The following SCARA3 variants were observed in gnomAD, a reference collection of about 807,000 sequenced individuals.
The protein encoded by SCARA3 is scavenger receptor class A member 3.
SCARA3 carries 39 observed loss-of-function variants against 47.0 expected under a neutral mutation model. The observed-to-expected ratio is 0.83, with a 90% CI of 0.64 to 1.08. SCARA3 has a LOEUF of 1.08. Ranked by LOEUF, SCARA3 falls within the 50% of genes least tolerant of loss-of-function variation. SCARA3 has a pLI of 0.00. For missense variants in SCARA3, 724 were observed against 792.3 expected, an observed-to-expected ratio of 0.91 and a Z score of 1.04; for synonymous variants, 356 against 334.1, an observed-to-expected ratio of 1.07 and a Z score of -0.71.
the SCARA3 span, among the ~76,000 whole-genome samples, chr8:27,719,310 G>A: frequency 1.3e-5 from 2 of 152,126 alleles, no homozygotes; most frequent in Non-Finnish European, 2.9e-5. Flanking sequence ...GTTCTCACAT[G>A]TAAGTAGGAG....
At chr8:27,660,306 G>A (rs1327531360) in intron 5 of SCARA3, among the ~76,000 whole-genome samples, 2 of 152,004 alleles carry the variant, frequency 1.3e-5, no homozygotes, top group Non-Finnish European at 2.9e-5. Context: ...TATATATATA[G>A]AGAGATAGAC....
Position 27,671,686 on chromosome 8 carries a change from A to G in SCARA3, c.*335A>G. On this transcript the variant is annotated 3_prime_UTR_variant, in exon 6 of 6. Transcript: ENST00000301904. ...CACACACATGCACACATACACGTGC[A>G]CACATACACAGGCACACATGCATGC... 9.2e-7 allele frequency: 1 copy of G among 1,082,884 alleles called. No individual in the cohort carries two copies. 67.1% of individuals were successfully genotyped at this position (1,082,884 alleles called of 1,614,324 possible).
rs1164495076 is a variant in SCARA3 at position 27,658,630 on chromosome 8, T to A, written c.460T>A (p.Leu154Ile). The change falls in exon 5 of 6, where the codon TTA becomes ATA. Residue 154 changes from leucine to isoleucine, a missense_variant. Coordinates refer to ENST00000301904, the MANE Select transcript of SCARA3 (RefSeq NM_016240.3). The stretch of plus-strand genomic sequence containing the variant: ...CCAGGAGGTGCAGCTGGACCAGACC[T>A]TACAGGCCCAGGAGGTGCTCTCCAC... ...LAQEVQLDQT[L>I]QAQEVLSTTS... 6.2e-7 allele frequency: 1 copy of A among 1,613,904 alleles called. No individual in the cohort carries two copies. The highest frequency in any genetic ancestry group is 8.5e-7 in the Non-Finnish European group (1 of 1,179,990).
chr8:27,673,816 G>C (rs1802219505), downstream of SCARA3, among the ~76,000 whole-genome samples: 1 of 152,194 alleles, frequency 6.6e-6, no homozygotes, highest in African/African-American at 2.4e-5. Context: ...CTCTGCAGGT[G>C]AGTAGCCAGC....
At chr8:27,647,071 T>C (rs1202121002) in intron 1 of SCARA3, among the ~76,000 whole-genome samples, 2 of 146,554 alleles carry the variant, frequency 1.4e-5, no homozygotes, top group African/African-American at 5.0e-5. Context: ...GCTTTGCCAC[T>C]GCCCAGCTCT....
At chr8:27,678,985 C>A (rs1459648196), downstream of SCARA3, among the ~76,000 whole-genome samples, 1 of 152,072 alleles carries the variant, frequency 6.6e-6, no homozygotes, top group African/African-American at 2.4e-5. Flanking sequence ...CTCAGGAGTT[C>A]GAGACCACCT....
chr8:27,725,373 T>C, the SCARA3 span, among the ~76,000 whole-genome samples: 1 of 149,152 alleles, frequency 6.7e-6, no homozygotes, highest in Non-Finnish European at 1.5e-5. Context: ...TAACATATAA[T>C]ATTTATATTA....
the SCARA3 span, among the ~76,000 whole-genome samples, chr8:27,710,557 C>T: frequency 3.3e-5 from 5 of 152,272 alleles, no homozygotes; most frequent in Non-Finnish European, 7.4e-5. Flanking sequence ...CATGGCCGCA[C>T]GTCTTTCAAC....
rs1802132014 is a variant in SCARA3 at position 27,670,885 on chromosome 8, T to C, written c.1370-15T>C. The C allele has an allele frequency of 2.0e-6, 3 of 1,514,988 alleles. No homozygotes were observed. The highest frequency in any genetic ancestry group is 2.6e-6 in the Non-Finnish European group (3 of 1,133,820). The allele number at this position is 1,514,988 out of a possible 1,614,324, so 93.8% of individuals were successfully genotyped here. ...CCTGACAGACTGACCTCTCCCATCTTCTCTCCAACCTCAGGTGCCCCCGGC... is the reference window on the plus strand; with the variant it reads ...CCTGACAGACTGACCTCTCCCATCTCCTCTCCAACCTCAGGTGCCCCCGGC... On this transcript the variant is annotated splice_polypyrimidine_tract_variant and intron_variant, in intron 5 of 5. Coordinates refer to ENST00000301904, the MANE Select transcript of SCARA3 (RefSeq NM_016240.3).
At chr8:27,733,462 C>A in the SCARA3 span, 1 of 152,274 alleles carries the variant, frequency 6.6e-6, no homozygotes, top group African/African-American at 2.4e-5. Context: ...ACGTGCCCGG[C>A]AGGAAGGAGC....
chr8:27,707,060 A>C, the SCARA3 span, among the ~76,000 whole-genome samples: 1 of 152,192 alleles, frequency 6.6e-6, no homozygotes, highest in African/African-American at 2.4e-5. Context: ...GGCTCCAAGC[A>C]CCAAATAGTG....
At chr8:27,670,869 C>G (rs2128923904) in intron 5 of SCARA3, 31 bp from the exon 6 acceptor site, 2 of 1,505,044 alleles carry the variant, frequency 1.3e-6, no homozygotes, top group Non-Finnish European at 1.8e-6. Flanking sequence ...CCCTGACAGA[C>G]TGACCTCTCC....
intron 5 of SCARA3, among the ~76,000 whole-genome samples, chr8:27,669,266 G>A (rs1297652199): frequency 6.6e-6 from 1 of 152,220 alleles, no homozygotes; most frequent in African/African-American, 2.4e-5. Flanking sequence ...ATGAGTTTTG[G>A]AACAGGGTTG....
chr8:27,693,534 A>G, the SCARA3 span, among the ~76,000 whole-genome samples: 2 of 152,182 alleles, frequency 1.3e-5, no homozygotes, highest in African/African-American at 4.8e-5. Flanking sequence ...TTTGTAAAAA[A>G]TATATATAAA....
the SCARA3 span, among the ~76,000 whole-genome samples, chr8:27,730,061 C>T: frequency 2.0e-5 from 3 of 152,134 alleles, no homozygotes; most frequent in East Asian, 5.8e-4. Context: ...TGGGGCCAGT[C>T]CTGTTCCCAC....
At chr8:27,639,137 T>TA (rs779590289) in intron 1 of SCARA3, among the ~76,000 whole-genome samples, 1 of 152,142 alleles carries the variant, frequency 6.6e-6, no homozygotes, top group Admixed American at 6.5e-5. Flanking sequence ...GAACCCAAGC[T>TA]AAAAAATGGG....
chr8:27,720,008 C>T, the SCARA3 span, among the ~76,000 whole-genome samples: 1 of 152,136 alleles, frequency 6.6e-6, no homozygotes, highest in East Asian at 1.9e-4. Flanking sequence ...TCAGGGAGAA[C>T]TTCCTGAAGA....
chr8:27,659,324 G>T lies in SCARA3; in HGVS notation c.1154G>T (p.Cys385Phe). Residue 385 changes from cysteine (C) to phenylalanine (F), a missense_variant, in exon 5 of 6, where the codon TGC becomes TTC. Cys to Phe is a radical substitution (Grantham distance 205). Transcript: ENST00000301904. ...TACCTGGATGACGTGCGGCTCTCCTGCACGCTGGGCTTCCACACCCATGCC... is the reference window on the plus strand; with the variant it reads ...TACCTGGATGACGTGCGGCTCTCCTTCACGCTGGGCTTCCACACCCATGCC... ...LKYLDDVRLSCTLGFHTHAEE... is the reference protein window; with the variant it reads ...LKYLDDVRLSFTLGFHTHAEE... 6.2e-7 allele frequency: 1 copy of T among 1,614,030 alleles called. No homozygotes were observed. Among genetic ancestry groups the T allele is most frequent in the Non-Finnish European group, 8.5e-7 (1 of 1,180,020 alleles).
chr8:27,688,980 G>C, the SCARA3 span, among the ~76,000 whole-genome samples: 1 of 152,128 alleles, frequency 6.6e-6, no homozygotes, highest in Non-Finnish European at 1.5e-5. Context: ...TGTTTTATAA[G>C]AAGGGGCTGG....
Sources: allele counts gnomAD v4.1 joint callset (sites outside exome capture counted in the v4.1 genomes callset), GRCh38; gene constraint gnomAD v4.1.1; transcripts MANE v1.5; gene names NCBI Gene and HGNC (gene_info 2026-07-23, HGNC 2026-07-21).